Variants in SP4 observed in about 807,000 individuals in gnomAD.
SP4 encodes Sp4 transcription factor.
In SP4, 19 loss-of-function variants were observed where a neutral mutation model predicts 72.8. That is an observed-to-expected ratio of 0.26 (90% CI 0.18 to 0.38). The LOEUF is 0.38. SP4 is among the 10% of genes least tolerant of loss of function. The probability of loss-of-function intolerance (pLI) is 1.00; values close to 1 mark genes in which losing one functional copy is unlikely to be tolerated. For missense variants in SP4, 1,008 were observed against 926.3 expected (o/e 1.09, Z -1.14); for synonymous variants, 395 against 333.1 (o/e 1.19, Z -2.02).
At chr7:21,497,294 TGCCAGATGGTG>T (rs1241753118) in intron 5 of SP4, among the ~76,000 whole-genome samples, 5 of 26,298 alleles carry the variant, frequency 1.9e-4, no homozygotes, top group Non-Finnish European at 1.3e-4. Flanking sequence ...CTCTAGTGGC[TGCCAGATGGTG>T]CCAAGAATTC....
chr7:21,463,376 G>T (rs114366799), intron 3 of SP4, among the ~76,000 whole-genome samples: 7 of 152,178 alleles, frequency 4.6e-5, no homozygotes, highest in Non-Finnish European at 7.3e-5. Context: ...AACAGTGATG[G>T]CTCAGGTAAT....
intron 3 of SP4, among the ~76,000 whole-genome samples, chr7:21,472,079 G>A (rs536810343): frequency 6.6e-6 from 1 of 152,286 alleles, no homozygotes; most frequent in South Asian, 2.1e-4. Context: ...TGAGGATTCA[G>A]GTGGAAGTGT....
chr7:21,501,329 A>G (rs1321590412), intron 5 of SP4, among the ~76,000 whole-genome samples: 1 of 151,800 alleles, frequency 6.6e-6, no homozygotes, highest in African/African-American at 2.4e-5. Context: ...CATTTAAAAC[A>G]TTTTCTCACA....
chr7:21,432,809 C>T (rs1269188428), intron 3 of SP4, among the ~76,000 whole-genome samples: 1 of 151,970 alleles, frequency 6.6e-6, no homozygotes, highest in Non-Finnish European at 1.5e-5. Context: ...GCCTGGGCAA[C>T]ATAGGGAGAC....
At chr7:21,497,282 CCCTCTAGTG>C (rs1288175076) in intron 5 of SP4, among the ~76,000 whole-genome samples, 5 of 94,962 alleles carry the variant, frequency 5.3e-5, no homozygotes, top group Non-Finnish European at 2.6e-5. Flanking sequence ...GTGTTCCACC[CCCTCTAGTG>C]GCTGCCAGAT....
intron 5 of SP4, among the ~76,000 whole-genome samples, chr7:21,494,014 A>G (rs1785043127): frequency 6.6e-6 from 1 of 152,204 alleles, no homozygotes; most frequent in Non-Finnish European, 1.5e-5. Flanking sequence ...AGTCAATGTA[A>G]TTCACTAATA....
intron 3 of SP4, among the ~76,000 whole-genome samples, chr7:21,441,185 C>T (rs1188438774): frequency 6.6e-6 from 1 of 152,100 alleles, no homozygotes; most frequent in African/African-American, 2.4e-5. Context: ...TGAAATAGGC[C>T]TTAAAGATTG....
At chr7:21,498,323 TATAA>T (rs1781776958) in intron 5 of SP4, among the ~76,000 whole-genome samples, 1 of 152,234 alleles carries the variant, frequency 6.6e-6, no homozygotes, top group African/African-American at 2.4e-5. Flanking sequence ...CACCATTTTA[TATAA>T]GAGACTTGAG....
At chr7:21,488,140 T>G (rs115365855) in intron 5 of SP4, among the ~76,000 whole-genome samples, 103 of 152,276 alleles carry the variant, frequency 6.8e-4, no homozygotes, top group African/African-American at 2.4e-3. Flanking sequence ...GTTGGGATTA[T>G]AGGTGTGAGC....
chr7:21,463,784 C>G (rs1244283527), intron 3 of SP4, among the ~76,000 whole-genome samples: 2 of 152,272 alleles, frequency 1.3e-5, no homozygotes, highest in East Asian at 3.9e-4. Flanking sequence ...TGCTTCCTCT[C>G]CGGGGTTCCC....
intron 5 of SP4, among the ~76,000 whole-genome samples, chr7:21,493,392 C>T (rs1489341818): frequency 1.3e-5 from 2 of 152,030 alleles, no homozygotes; most frequent in Admixed American, 1.3e-4. Flanking sequence ...GCAGGTAAAG[C>T]AGTGCTTAGA....
intron 3 of SP4, among the ~76,000 whole-genome samples, chr7:21,440,242 T>C (rs958700344): frequency 6.6e-6 from 1 of 152,178 alleles, no homozygotes; most frequent in African/African-American, 2.4e-5. Context: ...AATAGTGATA[T>C]TAGTTCCTAC....
intron 5 of SP4, among the ~76,000 whole-genome samples, chr7:21,493,218 C>T (rs1237708589): frequency 4.7e-5 from 7 of 147,946 alleles, no homozygotes; most frequent in South Asian, 2.1e-4. Context: ...AAAAATCATA[C>T]GAAGTATGTT....
chr7:21,460,386 T>G (rs953573905), intron 3 of SP4, among the ~76,000 whole-genome samples: 2 of 151,922 alleles, frequency 1.3e-5, no homozygotes, highest in African/African-American at 4.8e-5. Context: ...GGAGTCGTTT[T>G]TTCCTCCCGG....
At chr7:21,462,483 T>G (rs576528544) in intron 3 of SP4, among the ~76,000 whole-genome samples, 11 of 152,334 alleles carry the variant, frequency 7.2e-5, no homozygotes, top group Admixed American at 6.5e-4. Flanking sequence ...TTGAAAGAAA[T>G]GACTTCCAGA....
chr7:21,433,927 G>A (rs1457752882), intron 3 of SP4, among the ~76,000 whole-genome samples: 1 of 150,782 alleles, frequency 6.6e-6, no homozygotes, highest in Non-Finnish European at 1.5e-5. Flanking sequence ...TGGGCAACAA[G>A]AACGAAACTC....
In SP4 at chr7:21,428,203, C is replaced by CCCCCAAAAA; in HGVS notation, c.-49_-48insCCCCAAAAA. On this transcript the variant is annotated 5_prime_UTR_variant, in exon 1 of 6. Coordinates refer to ENST00000222584, the MANE Select transcript of SP4 (RefSeq NM_003112.5). ...CTCCCGCCTCGCCCCCACCCCCACCCACCTCTATCCCAGTGTCTCCGTCTG... is the reference window on the plus strand; with the variant it reads ...CTCCCGCCTCGCCCCCACCCCCACCCCCCCAAAAAACCTCTATCCCAGTGTCTCCGTCTG... The CCCCCAAAAA allele has an allele frequency of 8.2e-7, 1 of 1,216,718 alleles. No homozygotes were observed. 75.4% of individuals were successfully genotyped at this position (1,216,718 alleles called of 1,614,324 possible).
Position 21,477,258 on chromosome 7 carries a change from C to G in SP4, c.1858C>G (p.Leu620Val). ...TCAAGAGGTACAACCTGGCAAGAGG[C>G]TTCGAAGAGTTGCCTGTTCCTGTCC... Reference protein sequence around the residue: ...SDQEVQPGKRLRRVACSCPNC... With the variant: ...SDQEVQPGKRVRRVACSCPNC... The change falls in exon 4 of 6, where the codon CTT (leucine) becomes GTT (valine). Residue 620 changes from leucine to valine, a missense_variant. By Grantham distance (32) the Leu-to-Val change is conservative. Around this residue, in one of 3 missense-constraint regions of SP4, gnomAD observed 893 missense variants for 743.3 expected, o/e 1.20. Transcript: ENST00000222584. 6.2e-7 allele frequency: 1 copy of G among 1,614,076 alleles called. No homozygotes were observed. Among genetic ancestry groups the G allele is most frequent in the South Asian group, 1.1e-5 (1 of 91,068 alleles).
At chr7:21,440,731 C>T (rs1301357492) in intron 3 of SP4, among the ~76,000 whole-genome samples, 1 of 151,928 alleles carries the variant, frequency 6.6e-6, no homozygotes, top group Non-Finnish European at 1.5e-5. Flanking sequence ...TGCCTGTAGT[C>T]CCATCTACTC....
Sources: gnomAD v4.1 joint callset for allele counts (sites outside exome capture counted in the v4.1 genomes callset) on GRCh38, gnomAD v4.1.1 for gene constraint, gnomAD v4.1.1 regional missense constraint, MANE v1.5 for transcripts, NCBI Gene and HGNC (gene_info 2026-07-23, HGNC 2026-07-21) for gene names.